The following USP10 variants were observed in gnomAD, a reference collection of about 807,000 sequenced individuals.
USP10 encodes the protein ubiquitin carboxyl-terminal hydrolase 10.
Under a neutral mutation model 84.5 loss-of-function variants are expected in USP10, and 22 were observed. The observed-to-expected ratio is 0.26, with a 90% confidence interval of 0.19 to 0.37. The LOEUF (loss-of-function observed/expected upper bound fraction) is 0.37. Among genes scored for constraint, USP10 ranks in the 10% least tolerant of loss-of-function variants. USP10 has a pLI of 1.00. For synonymous variants in USP10, 454 were observed against 387.6 expected, an observed-to-expected ratio of 1.17 and a Z score of -2.01; for missense variants, 1,019 against 998.9, an observed-to-expected ratio of 1.02 and a Z score of -0.27.
chr16:84,730,391 T>A (rs948092849), intron 1 of USP10, among the ~76,000 whole-genome samples: 2 of 152,190 alleles, frequency 1.3e-5, no homozygotes, highest in African/African-American at 4.8e-5. Context: ...TTCTGTAATT[T>A]GATTGAAGGT....
At chr16:84,733,386 T>C (rs754942032) in intron 1 of USP10, 49 bp from the exon 2 acceptor site, 22 of 1,405,786 alleles carry the variant, frequency 1.6e-5, no homozygotes, top group Non-Finnish European at 2.1e-5. Context: ...TCTGAAAGTA[T>C]ATAATTTGTA....
chr16:84,708,026 C>T (rs544661460), intron 1 of USP10, among the ~76,000 whole-genome samples: 1 of 152,102 alleles, frequency 6.6e-6, no homozygotes, highest in South Asian at 2.1e-4. Context: ...TGTAGTGAGT[C>T]GAGATTGTGC....
chr16:84,752,003 G>A (rs73245613), intron 4 of USP10, among the ~76,000 whole-genome samples: 245 of 152,228 alleles, frequency 1.6e-3, no homozygotes, highest in African/African-American at 5.6e-3. Context: ...GCCCTTGTGA[G>A]CTACCATCTA....
chr16:84,729,682 A>G (rs1478677899), intron 1 of USP10, among the ~76,000 whole-genome samples: 1 of 152,170 alleles, frequency 6.6e-6, no homozygotes, highest in Non-Finnish European at 1.5e-5. Context: ...GGTTTTAAAT[A>G]TTGCTGAAGT....
At chr16:84,717,505 G>T (rs1279832907) in intron 1 of USP10, among the ~76,000 whole-genome samples, 1 of 152,134 alleles carries the variant, frequency 6.6e-6, no homozygotes, top group Non-Finnish European at 1.5e-5. Context: ...TCCTTTTTAT[G>T]TCATTGGTGC....
chr16:84,759,530 G>C, intron 6 of USP10, 58 bp downstream of exon 6: 2 of 1,466,182 alleles, frequency 1.4e-6, no homozygotes, highest in Non-Finnish European at 1.9e-6. Context: ...CTGATAATTA[G>C]AATTGAAATA....
In USP10 at chr16:84,754,775, T is replaced by G. The variant is rs947824875; in HGVS notation, c.1193-3941T>G. On this transcript the variant is annotated intron_variant, in intron 4 of 13. Coordinates refer to ENST00000219473, the MANE Select transcript of USP10 (RefSeq NM_005153.3). Reference sequence around the variant, plus strand: ...GGTTTATAGTTGATTTATGTATCCTTTGATTGCATAGAGATTGAATGGTCA... The same window carrying G: ...GGTTTATAGTTGATTTATGTATCCTGTGATTGCATAGAGATTGAATGGTCA... 7.2e-5 allele frequency among the ~76,000 whole-genome samples: 11 copies of G among 152,296 alleles called. No homozygotes were observed. The East Asian group carries it at 1.7e-3, about 24-fold the overall frequency.
intron 2 of USP10, among the ~76,000 whole-genome samples, chr16:84,738,069 G>A (rs1910163737): frequency 6.8e-6 from 1 of 146,842 alleles, no homozygotes; most frequent in East Asian, 2.1e-4. Flanking sequence ...CCGGAAGATG[G>A]TGAGCAGGGT....
At chr16:84,753,975 C>T (rs371031738) in intron 4 of USP10, among the ~76,000 whole-genome samples, 31 of 152,248 alleles carry the variant, frequency 2.0e-4, no homozygotes, top group African/African-American at 7.2e-4. Flanking sequence ...GGAGGGGAGG[C>T]CTCATGCAGC....
chr16:84,749,944 C>A (rs990945718), intron 4 of USP10, among the ~76,000 whole-genome samples: 2 of 152,076 alleles, frequency 1.3e-5, no homozygotes, highest in Admixed American at 6.5e-5. Context: ...GAGAAGGACA[C>A]GCCAGGGGAG....
chr16:84,730,987 T>G (rs1321329496), intron 1 of USP10, among the ~76,000 whole-genome samples: 7 of 147,346 alleles, frequency 4.8e-5, no homozygotes, highest in Admixed American at 2.0e-4. Context: ...TTTTTTTTTT[T>G]TTTTTTTTTT....
At chr16:84,706,767 C>G (rs1037162455) in intron 1 of USP10, among the ~76,000 whole-genome samples, 4 of 151,888 alleles carry the variant, frequency 2.6e-5, no homozygotes, top group Admixed American at 2.0e-4. Context: ...GTCTCCATCT[C>G]CTGACCTCGG....
intron 4 of USP10, among the ~76,000 whole-genome samples, chr16:84,757,396 GGT>G (rs1555546424): frequency 0.042 from 5,384 of 127,126 alleles, 95 homozygotes; most frequent in Middle Eastern, 0.13. Context: ...GAATGAGAGG[GGT>G]GGGGGTGTGT....
chr16:84,739,833 G>A (rs140011763), intron 2 of USP10, among the ~76,000 whole-genome samples: 148 of 152,320 alleles, frequency 9.7e-4, no homozygotes, highest in African/African-American at 3.4e-3. Flanking sequence ...TTTATAGTGC[G>A]CTTTCCTCTG....
chr16:84,733,473 A>C lies in USP10; in HGVS notation c.60A>C (p.Gln20His), dbSNP rs746522487. 5.6e-6 allele frequency: 9 copies of C among 1,610,472 alleles called. No homozygotes were observed. Among genetic ancestry groups the C allele is most frequent in the East Asian group, 2.2e-5 (1 of 44,732 alleles). ...FGDFSPDEFN[Q>H]FFVTPRSSVE... is the part of the protein sequence containing the mutation. Reference sequence around the variant, plus strand: ...ATTTTAGCCCTGATGAATTCAATCAATTCTTTGTGACTCCTCGATCTTCAG... The same window carrying C: ...ATTTTAGCCCTGATGAATTCAATCACTTCTTTGTGACTCCTCGATCTTCAG... The change falls in exon 2 of 14, where the codon CAA becomes CAC. Residue 20 changes from glutamine to histidine, a missense_variant. By Grantham distance (24) the Gln-to-His change is conservative. This residue lies in a region of USP10 where 787 missense variants were observed against 708.8 expected (regional missense o/e 1.11). Coordinates refer to ENST00000219473, the MANE Select transcript of USP10 (RefSeq NM_005153.3).
intron 1 of USP10, among the ~76,000 whole-genome samples, chr16:84,708,612 A>G (rs1905861118): frequency 6.6e-6 from 1 of 152,220 alleles, no homozygotes; most frequent in Non-Finnish European, 1.5e-5. Context: ...ATTTTTCTCC[A>G]TCTTCTTCAA....
At chr16:84,758,324 T>C (rs1912822704) in intron 4 of USP10, among the ~76,000 whole-genome samples, 2 of 152,190 alleles carry the variant, frequency 1.3e-5, no homozygotes, top group Non-Finnish European at 2.9e-5. Context: ...CTATCTAGTG[T>C]CTGAGGCGCC....
At chr16:84,772,428 C>G (rs554511210) in intron 11 of USP10, 113 bp from the exon 12 acceptor site, 15 of 1,462,590 alleles carry the variant, frequency 1.0e-5, no homozygotes, top group Non-Finnish European at 1.0e-5. Flanking sequence ...AGTCCTGCCA[C>G]AGGACTCTTG....
chr16:84,755,082 G>A (rs1178555276), intron 4 of USP10, among the ~76,000 whole-genome samples: 2 of 151,658 alleles, frequency 1.3e-5, no homozygotes, highest in Non-Finnish European at 2.9e-5. Flanking sequence ...AGTGGAGTTA[G>A]CCTCGTCATA....
Sources: gnomAD v4.1 joint callset for allele counts (sites outside exome capture counted in the v4.1 genomes callset) on GRCh38, gnomAD v4.1.1 for gene constraint, gnomAD v4.1.1 regional missense constraint, MANE v1.5 for transcripts, NCBI Gene and HGNC (gene_info 2026-07-23, HGNC 2026-07-21) for gene names.